NPIPA7: variants seen among roughly 807,000 people sequenced by gnomAD.
NPIPA7 encodes the protein nuclear pore complex interacting protein family member A7.
intron 4 of NPIPA7, among the ~76,000 whole-genome samples, chr16:16,388,344 GCACCCA>G (rs1173726679): frequency 6.6e-5 from 2 of 30,390 alleles, no homozygotes; most frequent in East Asian, 2.4e-3. Flanking sequence ...ACCACACCCA[GCACCCA>G]GCCTTTTTTT....
At position 16,387,115 on chromosome 16, in the gene NPIPA7, G is replaced by A. The variant is rs1326762382; in HGVS notation, c.193-284G>A. On this transcript the variant is annotated intron_variant, in intron 2 of 7. Coordinates refer to ENST00000530217, the Ensembl canonical transcript of NPIPA7. Reference sequence around the variant, plus strand: ...GTGTGTGACAGAGTCTCATTCTGTCGCTCAGGCTGGAGTGCAGTGGTGTGA... The same window carrying A: ...GTGTGTGACAGAGTCTCATTCTGTCACTCAGGCTGGAGTGCAGTGGTGTGA... Among the ~76,000 whole-genome samples the A allele has an allele frequency of 1.6e-3, 195 of 118,922 alleles. 3 individuals carry two copies. Among genetic ancestry groups the A allele is most frequent in the Middle Eastern group, 5.0e-3 (1 of 202 alleles). 78.0% of individuals were successfully genotyped at this position (118,922 alleles called of 152,430 possible).
Position 16,387,976 on chromosome 16 carries a change from C to T in NPIPA7, c.437+170C>T, listed in dbSNP as rs1413514871. ...AGTTTAAGCTGTATAATTCCTTTCCCTTCCTACATTCTTGTTTGTCATTTT... is the reference window on the plus strand; with the variant it reads ...AGTTTAAGCTGTATAATTCCTTTCCTTTCCTACATTCTTGTTTGTCATTTT... On this transcript the variant is annotated intron_variant, in intron 4 of 7. Transcript: ENST00000530217. 6.4e-5 allele frequency among the ~76,000 whole-genome samples: 5 copies of T among 78,654 alleles called. 1 individual carries two copies. In the Admixed American group the frequency reaches 7.1e-4, roughly 11 times the overall value. 51.6% of individuals were successfully genotyped at this position (78,654 alleles called of 152,430 possible). A position where few individuals can be genotyped will look rare whatever the true frequency, so the allele number is the denominator to read the frequency against.
At chr16:16,386,812 C>A (rs1302107081) in intron 2 of NPIPA7, among the ~76,000 whole-genome samples, 6 of 126,208 alleles carry the variant, frequency 4.8e-5, no homozygotes, top group Non-Finnish European at 1.0e-4. Flanking sequence ...TGCAATGGCA[C>A]AATCTCAGCT....
intron 2 of NPIPA7, among the ~76,000 whole-genome samples, chr16:16,386,333 C>A (rs567273196): frequency 7.0e-6 from 1 of 142,296 alleles, no homozygotes; most frequent in Non-Finnish European, 1.5e-5. Flanking sequence ...AAGGTAATTA[C>A]TTCCTTTTCA....
At chr16:16,387,045 G>A (rs1302889260) in intron 2 of NPIPA7, among the ~76,000 whole-genome samples, 2 of 131,342 alleles carry the variant, frequency 1.5e-5, no homozygotes, top group African/African-American at 5.4e-5. Context: ...CACCCTGCCA[G>A]CCTCATGTCA....
intron 4 of NPIPA7, among the ~76,000 whole-genome samples, chr16:16,388,783 C>T (rs370539628): frequency 0.05 from 7 of 140 alleles, no homozygotes; most frequent in Middle Eastern, 0.5. Flanking sequence ...CACACCTCGG[C>T]CTCCCAGTGT....
chr16:16,382,156 A>G (rs1306367736), intron 1 of NPIPA7, among the ~76,000 whole-genome samples: 3 of 105,920 alleles, frequency 2.8e-5, no homozygotes, highest in Non-Finnish European at 5.7e-5. Flanking sequence ...AAAGATTCAT[A>G]TAATCCAAGA....
At chr16:16,388,634 G>A (rs1439342301) in intron 4 of NPIPA7, among the ~76,000 whole-genome samples, 14 of 4,196 alleles carry the variant, frequency 3.3e-3, no homozygotes, top group Middle Eastern at 0.17. Context: ...AGGTTCAAAC[G>A]ATTCTTATCC....
At chr16:16,388,049 CTCTTTTTT>C (rs1174066342) in intron 4 of NPIPA7, among the ~76,000 whole-genome samples, 13 of 45,020 alleles carry the variant, frequency 2.9e-4, no homozygotes, top group African/African-American at 1.5e-3. Context: ...TCCTTTCTCT[CTCTTTTTT>C]TTTTTTTTTT....
At chr16:16,387,060 T>TTGTGTGTG (rs374685325) in intron 2 of NPIPA7, among the ~76,000 whole-genome samples, 18 of 101,498 alleles carry the variant, frequency 1.8e-4, no homozygotes, top group South Asian at 3.5e-4. Flanking sequence ...ATGTCATTCT[T>TTGTGTGTG]TGTGTGTGTG....
chr16:16,388,586 G>C (rs1291882497), intron 4 of NPIPA7, among the ~76,000 whole-genome samples: 1 of 24,284 alleles, frequency 4.1e-5, no homozygotes, highest in Non-Finnish European at 8.8e-5. Context: ...GCTAGAGTGC[G>C]GTGGCATGAT....
chr16:16,388,049 CTCT>C (rs1407190628), intron 4 of NPIPA7, among the ~76,000 whole-genome samples: 495 of 44,868 alleles, frequency 0.011, 38 homozygotes, highest in African/African-American at 0.051. Flanking sequence ...TCCTTTCTCT[CTCT>C]TTTTTTTTTT....
At chr16:16,386,217 G>A (rs1224960005) in intron 2 of NPIPA7, among the ~76,000 whole-genome samples, 52 of 116,182 alleles carry the variant, frequency 4.5e-4, no homozygotes, top group African/African-American at 1.6e-3. Flanking sequence ...TGTGAGGGAA[G>A]GGAAAGTGAA....
intron 2 of NPIPA7, among the ~76,000 whole-genome samples, chr16:16,386,175 C>T (rs1442643407): frequency 8.6e-5 from 8 of 93,524 alleles, no homozygotes; most frequent in Non-Finnish European, 1.1e-4. Context: ...GAATGTTTTG[C>T]GTTAAGTTCA....
At chr16:16,388,533 T>TG in intron 4 of NPIPA7, among the ~76,000 whole-genome samples, 1 of 70,846 alleles carries the variant, frequency 1.4e-5, no homozygotes, top group African/African-American at 5.5e-5. Context: ...TTTTTTTTTT[T>TG]TTTTTTTTTT....
chr16:16,388,044 T>C (rs1450228907), intron 4 of NPIPA7, among the ~76,000 whole-genome samples: 5 of 15,484 alleles, frequency 3.2e-4, no homozygotes, highest in African/African-American at 1.1e-3. Flanking sequence ...GGTTTTCCTT[T>C]CTCTCTCTTT....
chr16:16,386,447 ATTTT>A (rs1197508092), intron 2 of NPIPA7, among the ~76,000 whole-genome samples: 2 of 30,452 alleles, frequency 6.6e-5, no homozygotes, highest in African/African-American at 2.8e-4. Flanking sequence ...TATTCATGTC[ATTTT>A]TTTTTTTTTT....
intron 2 of NPIPA7, among the ~76,000 whole-genome samples, chr16:16,386,728 G>A (rs1324900637): frequency 3.4e-4 from 45 of 133,866 alleles, no homozygotes; most frequent in Admixed American, 1.3e-3. Context: ...GATTACAGGC[G>A]TGAGCTACAG....
intron 2 of NPIPA7, among the ~76,000 whole-genome samples, chr16:16,386,447 ATTTTTTTTT>A (rs1197508092): frequency 9.9e-5 from 3 of 30,448 alleles, no homozygotes; most frequent in Admixed American, 1.1e-3. Context: ...TATTCATGTC[ATTTTTTTTT>A]TTTTTTTTTT....
Sources: gnomAD v4.1 joint callset for allele counts (sites outside exome capture counted in the v4.1 genomes callset) on GRCh38, gnomAD v4.1.1 for gene constraint, MANE v1.5 for transcripts, NCBI Gene and HGNC (gene_info 2026-07-23, HGNC 2026-07-21) for gene names.